Variants in EIF3D observed in about 807,000 individuals in gnomAD.
The protein encoded by EIF3D is eukaryotic translation initiation factor 3 subunit D.
Under a neutral mutation model 75.4 loss-of-function variants are expected in EIF3D, and 10 were observed. That is an observed-to-expected ratio of 0.13 (90% CI 0.08 to 0.22). The LOEUF (loss-of-function observed/expected upper bound fraction) is 0.22, where lower values mean the gene tolerates loss of function less well. Ranked by LOEUF, EIF3D falls within the 10% of genes least tolerant of loss-of-function variation. The pLI is 1.00. For missense variants in EIF3D, 394 were observed against 708.0 expected (o/e 0.56, Z 5.03); for synonymous variants, 246 against 248.3 (o/e 0.99, Z 0.09).
At chr22:36,524,960 G>A (rs1934572704) in intron 3 of EIF3D, among the ~76,000 whole-genome samples, 1 of 152,054 alleles carries the variant, frequency 6.6e-6, no homozygotes, top group Non-Finnish European at 1.5e-5. Flanking sequence ...GAACAACTCT[G>A]GCCTAAAGAA....
chr22:36,517,468 AAG>A (rs1293421326), intron 9 of EIF3D, 37 bp from the exon 10 acceptor site: 1 of 1,588,804 alleles, frequency 6.3e-7, no homozygotes, highest in African/African-American at 1.4e-5. Context: ...CCATGCAACA[AAG>A]AGTCACTGAC....
At chr22:36,523,815 T>A in intron 5 of EIF3D, 80 bp downstream of exon 5, 1 of 1,311,792 alleles carries the variant, frequency 7.6e-7, no homozygotes, top group Admixed American at 1.7e-5. Context: ...AATACAACCA[T>A]CCTCCTGCTT....
chr22:36,512,308 T>A lies in EIF3D; in HGVS notation c.1349+152A>T. ...ATTCAGCATGCCTGCTGTTTGGCATTTGTCTCCTAACTGACCCCTCCATCT... is the reference window on the plus strand; with the variant it reads ...ATTCAGCATGCCTGCTGTTTGGCATATGTCTCCTAACTGACCCCTCCATCT... On this transcript the variant is annotated intron_variant, in intron 13 of 14. Coordinates refer to ENST00000216190, the MANE Select transcript of EIF3D (RefSeq NM_003753.4). The A allele has an allele frequency of 2.9e-6, 3 of 1,039,704 alleles. No individual in the cohort carries two copies. The South Asian group carries it at 4.7e-5, about 16-fold the overall frequency. 64.4% of individuals were successfully genotyped at this position (1,039,704 alleles called of 1,614,324 possible). A position where few individuals can be genotyped will look rare whatever the true frequency, so the allele number is the denominator to read the frequency against.
rs1246127855 is a variant in EIF3D, at chr22:36,518,696, A to T, written c.859+67T>A. ...CACTTTCTATCCATTCTCTAGTACC[A>T]GAGACTTGTTCTGTACCAACAAAAA... On this transcript the variant is annotated intron_variant, in intron 9 of 14. Coordinates refer to ENST00000216190, the MANE Select transcript of EIF3D (RefSeq NM_003753.4). 45 of 1,582,844 alleles carry T rather than the reference A, an allele frequency of 2.8e-5. No homozygotes were observed. The Admixed American group carries it at 7.7e-4, about 27-fold the overall frequency.
chr22:36,528,098 G>C (rs1013904846), intron 1 of EIF3D, among the ~76,000 whole-genome samples: 1 of 151,986 alleles, frequency 6.6e-6, no homozygotes, highest in African/African-American at 2.4e-5. Context: ...TAACACCATT[G>C]ACCACCCCCC....
chr22:36,511,356 T>C, intron 14 of EIF3D, 147 bp downstream of exon 14: 4 of 1,476,720 alleles, frequency 2.7e-6, no homozygotes, highest in Non-Finnish European at 3.6e-6. Flanking sequence ...GAAGAAGCTC[T>C]TGGAGCCAAA....
chr22:36,523,995 G>A lies in EIF3D; in HGVS notation c.307-15C>T, dbSNP rs1183340704. On this transcript the variant is annotated splice_polypyrimidine_tract_variant and intron_variant, in intron 4 of 14. Transcript: ENST00000216190. ...CGGAGGTTCCTCTGGGCATCAGCAA[G>A]AAACATCCATGTTAAAATCTTGGAG... 10 of 1,613,698 alleles carry A rather than the reference G, an allele frequency of 6.2e-6. No individual in the cohort carries two copies. Among genetic ancestry groups the A allele is most frequent in the Non-Finnish European group, 7.6e-6 (9 of 1,179,744 alleles).
chr22:36,522,277 C>T (rs1407621278), intron 6 of EIF3D, among the ~76,000 whole-genome samples: 1 of 152,086 alleles, frequency 6.6e-6, no homozygotes, highest in Non-Finnish European at 1.5e-5. Context: ...TCACTTGAAC[C>T]CAGCAGGCAG....
At chr22:36,526,263 G>C in intron 1 of EIF3D, 132 bp from the exon 2 acceptor site, 1 of 922,858 alleles carries the variant, frequency 1.1e-6, no homozygotes, top group Non-Finnish European at 1.5e-6. Context: ...ACCCTCAACT[G>C]TTGAGCGACT....
intron 13 of EIF3D, among the ~76,000 whole-genome samples, chr22:36,512,252 C>T (rs1194356980): frequency 6.6e-6 from 1 of 152,152 alleles, no homozygotes; most frequent in Non-Finnish European, 1.5e-5. Flanking sequence ...TTCTGGATTT[C>T]ATTGACACCA....
At chr22:36,518,691 G>A in intron 9 of EIF3D, 72 bp downstream of exon 9, 2 of 1,571,170 alleles carry the variant, frequency 1.3e-6, no homozygotes, top group Middle Eastern at 1.7e-4. Context: ...CCATTCTCTA[G>A]TACCAGAGAC....
At chr22:36,512,825 G>A (rs892271829) in intron 12 of EIF3D, 9 of 518,974 alleles carry the variant, frequency 1.7e-5, no homozygotes, top group African/African-American at 9.7e-5. Flanking sequence ...CTAAAAGCTC[G>A]CCTAGACAGG....
chr22:36,523,931 A>G lies in EIF3D; in HGVS notation c.356T>C (p.Leu119Pro). ...TTTGGCACTCTTAGGCAGGATCTGC[A>G]GGTTGAACTGCAACATGTTCCGACG... ...KDRRNMLQFN[L>P]QILPKSAKQK... Residue 119 changes from leucine to proline, a missense_variant, in exon 5 of 15, where the codon CTG (leucine) becomes CCG (proline). By Grantham distance (98) the Leu-to-Pro change is moderately conservative. Transcript: ENST00000216190. 2 of 1,614,188 alleles carry G rather than the reference A, an allele frequency of 1.2e-6. No individual in the cohort carries two copies. The highest frequency in any genetic ancestry group is 1.7e-6 in the Non-Finnish European group (2 of 1,180,032).
intron 12 of EIF3D, 71 bp downstream of exon 12, chr22:36,516,407 C>A: frequency 6.4e-7 from 1 of 1,554,362 alleles, no homozygotes; most frequent in South Asian, 1.2e-5. Context: ...TACAACCTAG[C>A]CTGCGTAAAC....
At position 36,520,557 on chromosome 22, in the gene EIF3D, A is replaced by T. The variant is rs1179035938; in HGVS notation, c.578+19T>A. The T allele has an allele frequency of 6.4e-7, 1 of 1,550,660 alleles. No individual in the cohort carries two copies. The highest frequency in any genetic ancestry group is 2.2e-5 in the East Asian group (1 of 44,536). ...CACACATAAGAGCAGTGTAGAAAGT[A>T]GTAAAAGATGCTGCTTACATGTCCT... On this transcript the variant is annotated intron_variant, in intron 7 of 14. Transcript: ENST00000216190.
intron 12 of EIF3D, 88 bp downstream of exon 12, chr22:36,516,390 C>T: frequency 6.7e-7 from 1 of 1,486,288 alleles, no homozygotes; most frequent in Non-Finnish European, 9.1e-7. Context: ...GGATAAGAAA[C>T]AGTTTATACA....
chr22:36,519,143 T>C (rs1403097064), intron 8 of EIF3D, among the ~76,000 whole-genome samples: 1 of 152,204 alleles, frequency 6.6e-6, no homozygotes, highest in Non-Finnish European at 1.5e-5. Flanking sequence ...GCTTTCACCT[T>C]TGCCCCAGTG....
chr22:36,511,392 T>C, intron 14 of EIF3D, 111 bp downstream of exon 14: 1 of 1,533,316 alleles, frequency 6.5e-7, no homozygotes, highest in Non-Finnish European at 8.7e-7. Context: ...TACTTAAGTC[T>C]CAGGGAATTC....
chr22:36,524,524 G>A, intron 4 of EIF3D, 72 bp downstream of exon 4: 1 of 1,601,020 alleles, frequency 6.2e-7, no homozygotes. Context: ...GAGTCACAAG[G>A]TAGCATTTTT....
Sources: gnomAD v4.1 joint callset for allele counts (sites outside exome capture counted in the v4.1 genomes callset) on GRCh38, gnomAD v4.1.1 for gene constraint, MANE v1.5 for transcripts, NCBI Gene and HGNC (gene_info 2026-07-23, HGNC 2026-07-21) for gene names.